The following FOXP2 variants were observed in gnomAD, a reference collection of about 807,000 sequenced individuals.
The protein encoded by FOXP2 is forkhead box P2.
FOXP2 carries 12 observed loss-of-function variants against 115.8 expected under a neutral mutation model. That is an observed-to-expected ratio of 0.10 (90% confidence interval 0.07 to 0.17). FOXP2 has a LOEUF of 0.17. FOXP2 is among the 10% of genes least tolerant of loss of function. The probability of loss-of-function intolerance (pLI) is 1.00; values close to 1 mark genes in which losing one functional copy is unlikely to be tolerated. For synonymous variants in FOXP2, 328 were observed against 297.7 expected (o/e 1.10, Z -1.05); for missense variants, 629 against 843.5 (o/e 0.75, Z 3.15).
At chr7:114,462,437 T>C (rs1795615576) in intron 2 of FOXP2, among the ~76,000 whole-genome samples, 1 of 138,612 alleles carries the variant, frequency 7.2e-6, no homozygotes, top group African/African-American at 2.6e-5. Flanking sequence ...ATTGGCGCTA[T>C]CTCGGCTCAC....
At chr7:114,344,255 C>T (rs899571911) in intron 2 of FOXP2, among the ~76,000 whole-genome samples, 7 of 151,758 alleles carry the variant, frequency 4.6e-5, no homozygotes, top group Admixed American at 6.6e-5. Context: ...TATCTAAGCT[C>T]ATGACAATGA....
At chr7:114,270,877 A>G (rs1169722927) in intron 1 of FOXP2, among the ~76,000 whole-genome samples, 3 of 152,102 alleles carry the variant, frequency 2.0e-5, no homozygotes, top group Non-Finnish European at 1.5e-5. Context: ...CTAAAAAATC[A>G]TCACTATACC....
intron 3 of FOXP2, among the ~76,000 whole-genome samples, chr7:114,617,558 C>T (rs910311323): frequency 2.0e-5 from 3 of 152,182 alleles, no homozygotes; most frequent in Non-Finnish European, 2.9e-5. Flanking sequence ...CTTTGGGAGG[C>T]GGAGGCGGGT....
chr7:114,526,083 G>C (rs1045405260), intron 2 of FOXP2, among the ~76,000 whole-genome samples: 3 of 145,968 alleles, frequency 2.1e-5, no homozygotes, highest in African/African-American at 7.6e-5. Flanking sequence ...TTGCACTCCA[G>C]CCTGGACAAC....
At chr7:114,375,611 G>A (rs533353618) in intron 2 of FOXP2, among the ~76,000 whole-genome samples, 3 of 152,236 alleles carry the variant, frequency 2.0e-5, no homozygotes, top group South Asian at 4.2e-4. Flanking sequence ...AGTAAGGAAG[G>A]CTCATCTTCA....
intron 2 of FOXP2, among the ~76,000 whole-genome samples, chr7:114,484,316 A>T (rs1796680232): frequency 6.6e-6 from 1 of 151,844 alleles, no homozygotes; most frequent in Non-Finnish European, 1.5e-5. Context: ...ATTTTTGAAT[A>T]TATCTTTCAA....
intron 1 of FOXP2, among the ~76,000 whole-genome samples, chr7:114,173,804 C>A (rs553401258): frequency 6.6e-6 from 1 of 151,880 alleles, no homozygotes; most frequent in African/African-American, 2.4e-5. Context: ...AGCTATGTTT[C>A]TTTCTAGTGC....
At chr7:114,320,498 CTTTG>C (rs1263273327) in intron 2 of FOXP2, among the ~76,000 whole-genome samples, 4 of 152,120 alleles carry the variant, frequency 2.6e-5, no homozygotes, top group Non-Finnish European at 5.9e-5. Context: ...ATTGTAACTT[CTTTG>C]TTTATTTTTA....
At chr7:114,615,729 A>C (rs1043592704) in intron 3 of FOXP2, among the ~76,000 whole-genome samples, 3 of 152,192 alleles carry the variant, frequency 2.0e-5, no homozygotes, top group African/African-American at 7.2e-5. Context: ...TTTTGTTAGA[A>C]TATAAAGAGA....
intron 1 of FOXP2, among the ~76,000 whole-genome samples, chr7:114,253,128 C>G (rs1012796027): frequency 8.5e-5 from 13 of 152,092 alleles, no homozygotes; most frequent in Non-Finnish European, 1.9e-4. Flanking sequence ...ATCCTGAGTT[C>G]TAGTTTGATT....
chr7:114,665,703 A>G (rs923765233), intron 16 of FOXP2: 1 of 152,154 alleles, frequency 6.6e-6, no homozygotes, highest in African/African-American at 2.4e-5. Flanking sequence ...AAGTGTCTTT[A>G]GATGTATTAA....
intron 3 of FOXP2, chr7:114,570,873 A>T: frequency 6.2e-7 from 1 of 1,611,926 alleles, no homozygotes; most frequent in South Asian, 1.1e-5. Flanking sequence ...TCCTCACAAC[A>T]CATTTGCAGT....
rs2129240362 is a variant in FOXP2 at position 114,486,137 on chromosome 7, C to T, written c.169-48480C>T. On this transcript the variant is annotated intron_variant, in intron 2 of 16. Coordinates refer to ENST00000350908, the MANE Select transcript of FOXP2 (RefSeq NM_014491.4). ...TTAGTTCTCACACTGCTAATAAAGACATACCCGAGACTGGGTAATTTATAA... is the reference window on the plus strand; with the variant it reads ...TTAGTTCTCACACTGCTAATAAAGATATACCCGAGACTGGGTAATTTATAA... Among the ~76,000 whole-genome samples, 2 of 152,244 alleles carry T rather than the reference C, an allele frequency of 1.3e-5. 1 individual carries two copies. The highest frequency in any genetic ancestry group is 6.8e-3 in the Middle Eastern group (2 of 294).
intron 2 of FOXP2, among the ~76,000 whole-genome samples, chr7:114,462,426 C>T (rs1218433583): frequency 1.6e-5 from 2 of 122,084 alleles, no homozygotes; most frequent in African/African-American, 6.3e-5. Flanking sequence ...GGCTGAAGTG[C>T]ATTGGCGCTA....
At chr7:114,617,619 C>A (rs185140365) in intron 3 of FOXP2, among the ~76,000 whole-genome samples, 1 of 152,098 alleles carries the variant, frequency 6.6e-6, no homozygotes, top group South Asian at 2.1e-4. Flanking sequence ...TGTGGTGAAA[C>A]CCCGTCTCTA....
intron 1 of FOXP2, among the ~76,000 whole-genome samples, chr7:114,123,539 ACATAG>A (rs1791624672): frequency 1.3e-5 from 2 of 152,074 alleles, no homozygotes; most frequent in African/African-American, 4.8e-5. Flanking sequence ...CACTTATTTA[ACATAG>A]CATATTTTAA....
At chr7:114,662,286 C>A in intron 14 of FOXP2, 100 bp downstream of exon 14, 1 of 1,480,846 alleles carries the variant, frequency 6.8e-7, no homozygotes, top group Non-Finnish European at 9.4e-7. Context: ...AGCTTAATGG[C>A]ATGCTAACAT....
chr7:114,293,113 GTTT>G (rs370213037), intron 2 of FOXP2, among the ~76,000 whole-genome samples: 167 of 152,158 alleles, frequency 1.1e-3, no homozygotes, highest in African/African-American at 3.8e-3. Flanking sequence ...CCATTTTCTG[GTTT>G]TCACTCCATT....
intron 1 of FOXP2, among the ~76,000 whole-genome samples, chr7:114,285,199 G>GT (rs1054339210): frequency 8.6e-5 from 13 of 151,982 alleles, no homozygotes. Context: ...AGTTTTTTGG[G>GT]TTTTTTTGGT....
Sources: gnomAD v4.1 joint callset for allele counts (sites outside exome capture counted in the v4.1 genomes callset) on GRCh38, gnomAD v4.1.1 for gene constraint, MANE v1.5 for transcripts, NCBI Gene and HGNC (gene_info 2026-07-23, HGNC 2026-07-21) for gene names.